CACNA2D3: variants seen among roughly 807,000 people sequenced by gnomAD.
CACNA2D3 encodes the protein voltage-dependent calcium channel subunit alpha-2/delta-3.
A neutral mutation model predicts 160.6 loss-of-function variants in CACNA2D3; 60 were observed. The observed-to-expected ratio is 0.37, with a 90% CI of 0.30 to 0.46. The LOEUF (loss-of-function observed/expected upper bound fraction) is 0.46, where lower values mean the gene tolerates loss of function less well. Among genes scored for constraint, CACNA2D3 ranks in the 20% least tolerant of loss-of-function variants. The pLI is 1.00. For synonymous variants in CACNA2D3, 558 were observed against 492.9 expected (o/e 1.13, Z -1.75); for missense variants, 1,205 against 1,365.0 (o/e 0.88, Z 1.85).
intron 13 of CACNA2D3, among the ~76,000 whole-genome samples, chr3:54,784,602 T>C (rs543794111): frequency 4.6e-4 from 70 of 152,172 alleles, no homozygotes; most frequent in Non-Finnish European, 9.3e-4. Context: ...ACCAAACTTC[T>C]GCAGGAAAGG....
At chr3:54,234,073 A>T (rs1457165704) in intron 2 of CACNA2D3, among the ~76,000 whole-genome samples, 1 of 152,210 alleles carries the variant, frequency 6.6e-6, no homozygotes, top group Non-Finnish European at 1.5e-5. Flanking sequence ...GAGAAAACAG[A>T]CAACCTGCAG....
rs1253238075 is a variant in CACNA2D3 at position 54,370,853 on chromosome 3, AC to A, written c.322-15861del. Among the ~76,000 whole-genome samples the A allele has an allele frequency of 4.0e-5, 6 of 151,586 alleles. No individual in the cohort carries two copies. In the South Asian group the frequency reaches 6.2e-4, roughly 16 times the overall value. On this transcript the variant is annotated intron_variant, in intron 3 of 37. Transcript: ENST00000474759. ...CGACTCCAGAAAAAAAAAAAAAAAAACAGTACACTTTAACATTTTTCCTTCA... is the reference window on the plus strand; with the variant it reads ...CGACTCCAGAAAAAAAAAAAAAAAAAAGTACACTTTAACATTTTTCCTTCA...
chr3:54,387,835 G>T (rs552399751), intron 4 of CACNA2D3, among the ~76,000 whole-genome samples: 74 of 152,242 alleles, frequency 4.9e-4, no homozygotes, highest in African/African-American at 1.7e-3. Context: ...GTGGCATGTG[G>T]TCACAATTTG....
chr3:54,970,125 T>G (rs1702236923), intron 29 of CACNA2D3, among the ~76,000 whole-genome samples: 1 of 152,142 alleles, frequency 6.6e-6, no homozygotes, highest in Non-Finnish European at 1.5e-5. Context: ...TCCTAACTCC[T>G]ACTGTTTGAA....
chr3:54,146,487 C>G (rs1218949569), intron 2 of CACNA2D3, among the ~76,000 whole-genome samples: 3 of 152,224 alleles, frequency 2.0e-5, no homozygotes, highest in Non-Finnish European at 4.4e-5. Flanking sequence ...GCTCTGCCCA[C>G]ACAAGTTCAC....
chr3:54,161,517 G>A (rs1283211997), intron 2 of CACNA2D3, among the ~76,000 whole-genome samples: 1 of 152,236 alleles, frequency 6.6e-6, no homozygotes, highest in Non-Finnish European at 1.5e-5. Context: ...TTCTGCATAT[G>A]AATTAGTAAC....
At chr3:54,280,200 G>A (rs1217024953) in intron 2 of CACNA2D3, among the ~76,000 whole-genome samples, 6 of 152,026 alleles carry the variant, frequency 3.9e-5, no homozygotes, top group Non-Finnish European at 8.8e-5. Context: ...TCCTGCCTCA[G>A]CCTCCTGAGT....
intron 9 of CACNA2D3, among the ~76,000 whole-genome samples, chr3:54,599,387 A>G (rs1703021224): frequency 6.6e-6 from 1 of 152,206 alleles, no homozygotes; most frequent in African/African-American, 2.4e-5. Context: ...AATGTCGGCA[A>G]TTTCATGTGA....
At chr3:54,704,310 T>C (rs999974263) in intron 11 of CACNA2D3, among the ~76,000 whole-genome samples, 1 of 152,244 alleles carries the variant, frequency 6.6e-6, no homozygotes, top group Non-Finnish European at 1.5e-5. Flanking sequence ...TTAAATGTGG[T>C]GTGACAGCCA....
At chr3:54,266,177 G>T (rs1246580610) in intron 2 of CACNA2D3, among the ~76,000 whole-genome samples, 1 of 152,180 alleles carries the variant, frequency 6.6e-6, no homozygotes, top group Non-Finnish European at 1.5e-5. Context: ...CTTTGTAGAA[G>T]TGAGAAGTCC....
intron 3 of CACNA2D3, among the ~76,000 whole-genome samples, chr3:54,325,996 T>A (rs767174103): frequency 6.6e-6 from 1 of 152,204 alleles, no homozygotes; most frequent in Non-Finnish European, 1.5e-5. Context: ...ATATTAAGTT[T>A]TCCCCCCTTC....
intron 35 of CACNA2D3, 39 bp from the exon 36 acceptor site, chr3:55,073,406 G>A: frequency 6.1e-6 from 9 of 1,474,356 alleles, no homozygotes; most frequent in Non-Finnish European, 8.5e-6. Flanking sequence ...TTAATTGACG[G>A]ATGGTAAATG....
intron 13 of CACNA2D3, among the ~76,000 whole-genome samples, chr3:54,780,981 C>G (rs1471340558): frequency 6.6e-6 from 1 of 152,148 alleles, no homozygotes; most frequent in Admixed American, 6.6e-5. Context: ...AAAAAACTTT[C>G]TTTTAAAAAT....
chr3:54,838,547 T>G, intron 15 of CACNA2D3, 21 bp from the exon 16 acceptor site: 1 of 1,587,854 alleles, frequency 6.3e-7, no homozygotes, highest in Non-Finnish European at 8.7e-7. Flanking sequence ...GTTATTATAA[T>G]TCAATGTTTA....
At chr3:54,770,202 T>G (rs1702294183) in intron 13 of CACNA2D3, among the ~76,000 whole-genome samples, 1 of 152,206 alleles carries the variant, frequency 6.6e-6, no homozygotes, top group Admixed American at 6.5e-5. Flanking sequence ...GTCTTCTGTT[T>G]CCCAAAACAT....
At chr3:54,567,680 C>T (rs1163118037) in intron 6 of CACNA2D3, among the ~76,000 whole-genome samples, 6 of 152,170 alleles carry the variant, frequency 3.9e-5, no homozygotes, top group African/African-American at 7.2e-5. Context: ...GGATTACAGG[C>T]GCCTGCCACC....
At chr3:54,732,698 G>A (rs1263379293) in intron 11 of CACNA2D3, among the ~76,000 whole-genome samples, 1 of 152,078 alleles carries the variant, frequency 6.6e-6, no homozygotes, top group Non-Finnish European at 1.5e-5. Context: ...ATTATTCAGA[G>A]CCTCCTTAGG....
chr3:54,997,895 C>T (rs1409243036), intron 31 of CACNA2D3, among the ~76,000 whole-genome samples: 2 of 152,052 alleles, frequency 1.3e-5, no homozygotes, highest in African/African-American at 4.8e-5. Flanking sequence ...ATCAGAGGCC[C>T]ATGAGATCCC....
intron 27 of CACNA2D3, among the ~76,000 whole-genome samples, chr3:54,900,565 G>A (rs764539584): frequency 3.9e-5 from 6 of 152,294 alleles, no homozygotes; most frequent in Middle Eastern, 3.4e-3. Flanking sequence ...AACAAGGCCC[G>A]AGGGTGTGTC....
Sources: allele counts gnomAD v4.1 joint callset (sites outside exome capture counted in the v4.1 genomes callset), GRCh38; gene constraint gnomAD v4.1.1; transcripts MANE v1.5; gene names NCBI Gene and HGNC (gene_info 2026-07-23, HGNC 2026-07-21).